The following PLXNA4 variants were observed in gnomAD, a reference collection of about 807,000 sequenced individuals.
PLXNA4 encodes the protein plexin A4.
Under a neutral mutation model 191.8 loss-of-function variants are expected in PLXNA4, and 44 were observed. The observed-to-expected ratio is 0.23, with a 90% CI of 0.18 to 0.29. The LOEUF (loss-of-function observed/expected upper bound fraction) is 0.29, where lower values mean the gene tolerates loss of function less well. Among genes scored for constraint, PLXNA4 ranks in the 10% least tolerant of loss-of-function variants. The probability of loss-of-function intolerance (pLI) is 1.00; values close to 1 mark genes in which losing one functional copy is unlikely to be tolerated. For missense variants in PLXNA4, 1,800 were observed against 2,488.8 expected, an observed-to-expected ratio of 0.72 and a Z score of 5.89; for synonymous variants, 1,082 against 1,009.5, an observed-to-expected ratio of 1.07 and a Z score of -1.36.
intron 3 of PLXNA4, among the ~76,000 whole-genome samples, chr7:132,322,183 G>GTTTTTTTTTTTTTTTTTTTTTT (rs1802193748): frequency 1.5e-4 from 12 of 81,772 alleles, no homozygotes; most frequent in Admixed American, 5.0e-4. Flanking sequence ...CCCTAAAAGG[G>GTTTTTTTTTTTTTTTTTTTTTT]CTTTTTTTTT....
chr7:132,410,389 A>T (rs896715547), intron 3 of PLXNA4, among the ~76,000 whole-genome samples: 4 of 152,208 alleles, frequency 2.6e-5, no homozygotes, highest in Non-Finnish European at 5.9e-5. Context: ...GACTTCGCCC[A>T]TGAGGAGAAG....
chr7:132,629,828 G>C (rs1482711814), intron 2 of PLXNA4, among the ~76,000 whole-genome samples: 1 of 152,042 alleles, frequency 6.6e-6, no homozygotes, highest in Non-Finnish European at 1.5e-5. Flanking sequence ...TGCATGCATG[G>C]AGAGACAGTG....
At chr7:132,642,910 G>C (rs1271948687) in intron 2 of PLXNA4, among the ~76,000 whole-genome samples, 2 of 152,162 alleles carry the variant, frequency 1.3e-5, no homozygotes, top group African/African-American at 4.8e-5. Context: ...CAGTGAGTAT[G>C]ATACGATATA....
chr7:132,507,356 T>G, intron 2 of PLXNA4, 150 bp downstream of exon 2: 1 of 863,416 alleles, frequency 1.2e-6, no homozygotes, highest in Non-Finnish European at 1.7e-6. Context: ...TTGGTGACAC[T>G]CTGGGTCCAA....
At chr7:132,636,000 G>GCT (rs1803598024) in intron 2 of PLXNA4, among the ~76,000 whole-genome samples, 1 of 152,204 alleles carries the variant, frequency 6.6e-6, no homozygotes, top group Non-Finnish European at 1.5e-5. Flanking sequence ...GTTAGGAGAA[G>GCT]CCCTCTCAAC....
intron 2 of PLXNA4, among the ~76,000 whole-genome samples, chr7:132,593,583 G>A (rs1802645381): frequency 6.6e-6 from 1 of 152,242 alleles, no homozygotes; most frequent in African/African-American, 2.4e-5. Flanking sequence ...TACAGGACAG[G>A]TGGGTGCAGG....
At chr7:132,496,428 A>T (rs907074508) in intron 2 of PLXNA4, among the ~76,000 whole-genome samples, 2 of 152,034 alleles carry the variant, frequency 1.3e-5, no homozygotes, top group Admixed American at 1.3e-4. Context: ...TTTTAGATGG[A>T]GTCCTGCTCT....
At chr7:132,637,666 A>C (rs1278638279) in intron 2 of PLXNA4, among the ~76,000 whole-genome samples, 1 of 152,210 alleles carries the variant, frequency 6.6e-6, no homozygotes, top group Non-Finnish European at 1.5e-5. Context: ...CCTATGCCTC[A>C]GTTTCCCCAC....
intron 3 of PLXNA4, among the ~76,000 whole-genome samples, chr7:132,475,270 G>A (rs1047720067): frequency 9.2e-5 from 14 of 152,094 alleles, no homozygotes; most frequent in African/African-American, 1.4e-4. Context: ...AATGGTTGCC[G>A]TGACCAGCGG....
intron 2 of PLXNA4, among the ~76,000 whole-genome samples, chr7:132,589,424 TA>T (rs1194492249): frequency 5.3e-5 from 8 of 152,212 alleles, no homozygotes; most frequent in Admixed American, 4.6e-4. Context: ...TATGTTCTTC[TA>T]AGTTAAGATT....
At chr7:132,162,170 T>C (rs1167800762) in intron 24 of PLXNA4, among the ~76,000 whole-genome samples, 2 of 152,258 alleles carry the variant, frequency 1.3e-5, no homozygotes, top group African/African-American at 4.8e-5. Flanking sequence ...TGTGTGCTGC[T>C]GTCCTGCACG....
At chr7:132,243,761 G>A (rs948291114) in intron 4 of PLXNA4, among the ~76,000 whole-genome samples, 6 of 145,614 alleles carry the variant, frequency 4.1e-5, no homozygotes, top group African/African-American at 1.5e-4. Context: ...CGGCTATGAT[G>A]GATCGCTGCT....
At chr7:132,297,857 G>A (rs979733017) in intron 4 of PLXNA4, among the ~76,000 whole-genome samples, 1 of 152,160 alleles carries the variant, frequency 6.6e-6, no homozygotes, top group Non-Finnish European at 1.5e-5. Context: ...TTTGAAATTA[G>A]TGGATTTGTT....
chr7:132,571,730 G>C (rs994177885), intron 1 of PLXNA4, among the ~76,000 whole-genome samples: 1 of 152,136 alleles, frequency 6.6e-6, no homozygotes, highest in Non-Finnish European at 1.5e-5. Flanking sequence ...AGGAAGTGTT[G>C]TTTCCACAAT....
At chr7:132,331,814 G>A (rs147773760) in intron 3 of PLXNA4, among the ~76,000 whole-genome samples, 172 of 152,188 alleles carry the variant, frequency 1.1e-3, no homozygotes, top group African/African-American at 3.7e-3. Context: ...GGTACAGGGC[G>A]GGTTCTATAG....
At chr7:132,468,812 A>G (rs555031309) in intron 3 of PLXNA4, among the ~76,000 whole-genome samples, 1 of 152,224 alleles carries the variant, frequency 6.6e-6, no homozygotes, top group South Asian at 2.1e-4. Flanking sequence ...TGAGGAGAGA[A>G]GGAATTATGT....
intron 3 of PLXNA4, among the ~76,000 whole-genome samples, chr7:132,318,451 T>G (rs1423870216): frequency 6.6e-6 from 1 of 152,138 alleles, no homozygotes; most frequent in Non-Finnish European, 1.5e-5. Context: ...TTCTCCAGCC[T>G]CCTGGCTTCC....
chr7:132,420,397 C>A (rs1208172780), intron 3 of PLXNA4, among the ~76,000 whole-genome samples: 1 of 152,144 alleles, frequency 6.6e-6, no homozygotes, highest in East Asian at 1.9e-4. Context: ...CTTTTCTTGG[C>A]TCATGCATAG....
chr7:132,560,206 G>C (rs1245959367), intron 1 of PLXNA4, among the ~76,000 whole-genome samples: 1 of 152,122 alleles, frequency 6.6e-6, no homozygotes, highest in Admixed American at 6.5e-5. Flanking sequence ...TTGAGCATGC[G>C]CTCATTGAAG....
Sources: gnomAD v4.1 joint callset for allele counts (sites outside exome capture counted in the v4.1 genomes callset) on GRCh38, gnomAD v4.1.1 for gene constraint, MANE v1.5 for transcripts, NCBI Gene and HGNC (gene_info 2026-07-23, HGNC 2026-07-21) for gene names.